The following PIWIL2 variants were observed in gnomAD, a reference collection of about 807,000 sequenced individuals.
PIWIL2 encodes piwi-like protein 2.
PIWIL2 carries 81 observed loss-of-function variants against 116.5 expected under a neutral mutation model. The observed-to-expected ratio is 0.70, with a 90% CI of 0.58 to 0.84. PIWIL2 has a LOEUF of 0.84. Ranked by LOEUF, PIWIL2 falls within the 40% of genes least tolerant of loss-of-function variation. The pLI is 0.00. For missense variants in PIWIL2, 1,272 were observed against 1,212.3 expected, an observed-to-expected ratio of 1.05 and a Z score of -0.73; for synonymous variants, 489 against 429.5, an observed-to-expected ratio of 1.14 and a Z score of -1.71.
Position 22,281,357 on chromosome 8 carries a change from G to A in PIWIL2, c.287-20G>A, listed in dbSNP as rs1830495453. ...ACGTTTAAGTCATAGTCATTGCTGG[G>A]GTTCGGTTCTTTCTTTCAGGTAGAG... On this transcript the variant is annotated intron_variant, in intron 3 of 22. Transcript: ENST00000356766. 1 of 1,603,398 alleles carries A rather than the reference G, an allele frequency of 6.2e-7. No homozygotes were observed. Among genetic ancestry groups the A allele is most frequent in the South Asian group, 1.1e-5 (1 of 88,422 alleles).
chr8:22,344,916 G>A (rs1832191044), intron 20 of PIWIL2, among the ~76,000 whole-genome samples: 1 of 152,176 alleles, frequency 6.6e-6, no homozygotes, highest in African/African-American at 2.4e-5. Flanking sequence ...AGTAATAAAA[G>A]TCTTGTCCAG....
Position 22,307,984 on chromosome 8 carries a change from G to T in PIWIL2, c.1597G>T (p.Glu533Ter). ...CCCCAAGCAACACCATAGTGCTTTG[G>T]AATGCTTGCTGCAAAGAATTGCAAA... Reference protein sequence around the residue: ...LSPKQHHSALECLLQRIAKNE... With the variant: ...LSPKQHHSAL Residue 533 changes from glutamate (E) to a stop codon, truncating the protein, a stop_gained, in exon 14 of 23, where the codon GAA (glutamate) becomes TAA (stop). Transcript: ENST00000356766. LOFTEE classifies it high-confidence loss of function. The T allele has an allele frequency of 6.2e-7, 1 of 1,613,490 alleles. No homozygotes were observed. The highest frequency in any genetic ancestry group is 8.5e-7 in the Non-Finnish European group (1 of 1,179,664).
At chr8:22,312,889 C>T (rs933474892) in intron 16 of PIWIL2, among the ~76,000 whole-genome samples, 3 of 152,192 alleles carry the variant, frequency 2.0e-5, no homozygotes, top group Non-Finnish European at 2.9e-5. Context: ...AGTCCTCCCA[C>T]CTCCACCTCC....
chr8:22,354,140 T>C (rs989623473), intron 21 of PIWIL2, 131 bp from the exon 22 acceptor site: 2 of 643,608 alleles, frequency 3.1e-6, no homozygotes, highest in Middle Eastern at 3.7e-4. Context: ...TGGTCTGGCC[T>C]CTGTGTCCTT....
intron 20 of PIWIL2, among the ~76,000 whole-genome samples, chr8:22,325,311 T>A (rs1831696762): frequency 6.6e-6 from 1 of 152,166 alleles, no homozygotes; most frequent in Non-Finnish European, 1.5e-5. Flanking sequence ...CTCCTGAAAG[T>A]GTGTAAGCCA....
chr8:22,294,900 GAAAAAAAAA>G (rs57742067), intron 10 of PIWIL2, among the ~76,000 whole-genome samples: 2 of 93,650 alleles, frequency 2.1e-5, no homozygotes, highest in African/African-American at 7.7e-5. Context: ...ATCTTTACTG[GAAAAAAAAA>G]AAAAAAAAAA....
At chr8:22,299,386 T>C (rs1415149589) in intron 10 of PIWIL2, among the ~76,000 whole-genome samples, 1 of 152,096 alleles carries the variant, frequency 6.6e-6, no homozygotes, top group African/African-American at 2.4e-5. Flanking sequence ...AACTGTATTT[T>C]TAGTAGAGAC....
intron 17 of PIWIL2, 25 bp downstream of exon 17, chr8:22,314,454 C>A (rs71513878): frequency 7.7e-7 from 1 of 1,291,474 alleles, no homozygotes; most frequent in East Asian, 2.5e-5. Flanking sequence ...GGGCAGGAGG[C>A]GCAGATGGCA....
chr8:22,277,103 C>T (rs1395271174), intron 1 of PIWIL2, among the ~76,000 whole-genome samples: 3 of 151,942 alleles, frequency 2.0e-5, no homozygotes, highest in South Asian at 2.1e-4. Flanking sequence ...CTCACTGCAA[C>T]CTCCGCCTCC....
At chr8:22,346,062 TA>T (rs1481127059) in intron 20 of PIWIL2, among the ~76,000 whole-genome samples, 1 of 151,982 alleles carries the variant, frequency 6.6e-6, no homozygotes, top group Non-Finnish European at 1.5e-5. Flanking sequence ...TTGTATAGTT[TA>T]AGTGGGTGAG....
Position 22,304,999 on chromosome 8 carries a change from T to C in PIWIL2, c.1455+131T>C, listed in dbSNP as rs114120884. On this transcript the variant is annotated intron_variant, in intron 12 of 22. Coordinates refer to ENST00000356766, the MANE Select transcript of PIWIL2 (RefSeq NM_018068.5). The stretch of plus-strand genomic sequence containing the variant: ...GTGTAGTTGCGGAAAGCTGTGCAAG[T>C]GTTTGTCTGTCTCATCCAGCCAGAG... The C allele has an allele frequency of 4.8e-4, 317 of 660,432 alleles. 1 individual carries two copies. The African/African-American group carries it at 5.3e-3, about 11-fold the overall frequency. 40.9% of individuals were successfully genotyped at this position (660,432 alleles called of 1,614,324 possible).
At chr8:22,275,999 T>C (rs1830359082) in intron 1 of PIWIL2, 1 of 152,226 alleles carries the variant, frequency 6.6e-6, no homozygotes, top group Non-Finnish European at 1.5e-5. Context: ...ATTCCAGATG[T>C]CCCTTAAGGG....
At chr8:22,299,343 T>A (rs1830989534) in intron 10 of PIWIL2, among the ~76,000 whole-genome samples, 2 of 152,032 alleles carry the variant, frequency 1.3e-5, no homozygotes, top group African/African-American at 4.8e-5. Context: ...CCTGAGTAGC[T>A]GGGATTACAG....
chr8:22,307,472 C>CTTTTTTTT, intron 13 of PIWIL2, among the ~76,000 whole-genome samples: 1 of 73,016 alleles, frequency 1.4e-5, no homozygotes, highest in Non-Finnish European at 2.6e-5. Flanking sequence ...TTTTATTATT[C>CTTTTTTTT]ATTTTTTTTT....
At chr8:22,336,851 C>T (rs1463466938) in intron 20 of PIWIL2, among the ~76,000 whole-genome samples, 2 of 152,060 alleles carry the variant, frequency 1.3e-5, no homozygotes, top group African/African-American at 2.4e-5. Flanking sequence ...AGTTGACAAC[C>T]TTTAGTTTAG....
chr8:22,303,177 A>G (rs1001359529), intron 10 of PIWIL2, among the ~76,000 whole-genome samples: 2 of 152,214 alleles, frequency 1.3e-5, no homozygotes, highest in African/African-American at 2.4e-5. Flanking sequence ...GACATGCAAC[A>G]GTTTGGTATC....
intron 20 of PIWIL2, among the ~76,000 whole-genome samples, chr8:22,331,790 TCTC>T (rs2132079884): frequency 6.6e-6 from 1 of 151,972 alleles, no homozygotes; most frequent in South Asian, 2.1e-4. Flanking sequence ...TGTGTCCTCA[TCTC>T]CTCTTCTTAT....
chr8:22,277,129 C>A (rs980186783), intron 1 of PIWIL2, among the ~76,000 whole-genome samples: 5 of 151,808 alleles, frequency 3.3e-5, no homozygotes, highest in Non-Finnish European at 7.4e-5. Flanking sequence ...TCAAGCAATT[C>A]TTGTGCCTCA....
Position 22,342,546 on chromosome 8 carries a change from T to C in PIWIL2, c.2404-10413T>C, listed in dbSNP as rs146209895. On this transcript the variant is annotated intron_variant, in intron 20 of 22. Transcript: ENST00000356766. ...GTGGAAAAACAATCTTTTCAAAAAA[T>C]GGTGCTGGAACAAGTGGCCACCTGC... is the stretch of plus-strand genomic sequence containing the variant. 3.5e-3 allele frequency among the ~76,000 whole-genome samples: 528 copies of C among 152,318 alleles called. 1 individual carries two copies. The highest frequency in any genetic ancestry group is 0.012 in the African/African-American group (507 of 41,586).
Sources: gnomAD v4.1 joint callset for allele counts (sites outside exome capture counted in the v4.1 genomes callset) on GRCh38, gnomAD v4.1.1 for gene constraint, MANE v1.5 for transcripts, NCBI Gene and HGNC (gene_info 2026-07-23, HGNC 2026-07-21) for gene names.